The following SNX9 variants were observed in gnomAD, a reference collection of about 807,000 sequenced individuals.
SNX9 encodes sorting nexin 9.
In SNX9, 44 loss-of-function variants were observed where a neutral mutation model predicts 89.4. That is an observed-to-expected ratio of 0.49 (90% CI 0.39 to 0.63). The LOEUF (loss-of-function observed/expected upper bound fraction) is 0.63. Ranked by LOEUF, SNX9 falls within the 30% of genes least tolerant of loss-of-function variation. The pLI is 0.00. For missense variants in SNX9, 578 were observed against 736.1 expected, an observed-to-expected ratio of 0.79 and a Z score of 2.49; for synonymous variants, 236 against 247.8, an observed-to-expected ratio of 0.95 and a Z score of 0.45.
At chr6:157,849,082 G>A (rs775200054) in intron 1 of SNX9, among the ~76,000 whole-genome samples, 1 of 152,196 alleles carries the variant, frequency 6.6e-6, no homozygotes, top group Non-Finnish European at 1.5e-5. Context: ...CTGCACTTCA[G>A]CCTGGGTGAC....
intron 8 of SNX9, 57 bp downstream of exon 8, chr6:157,909,847 CT>C: frequency 1.2e-6 from 2 of 1,611,560 alleles, no homozygotes; most frequent in South Asian, 2.2e-5. Flanking sequence ...TTGCAGCTTG[CT>C]TTTTTCTTCA....
rs375385522 is a variant in SNX9, at chr6:157,872,768, G to A, written c.100-334G>A. On this transcript the variant is annotated intron_variant, in intron 2 of 17. Transcript: ENST00000392185. The stretch of plus-strand genomic sequence containing the variant: ...AGAGGGCAGATTCCAGGCCTGGGAT[G>A]CGCATCCCACCGCTTCACATTCAGA... 38 of 167,382 alleles carry A rather than the reference G, an allele frequency of 2.3e-4. No homozygotes were observed. The East Asian group carries it at 3.1e-3, about 14-fold the overall frequency. 10.4% of individuals were successfully genotyped at this position (167,382 alleles called of 1,614,324 possible). A position where few individuals can be genotyped will look rare whatever the true frequency, so the allele number is the denominator to read the frequency against.
At chr6:157,829,707 G>A (rs1432130537) in intron 1 of SNX9, among the ~76,000 whole-genome samples, 1 of 152,038 alleles carries the variant, frequency 6.6e-6, no homozygotes, top group Non-Finnish European at 1.5e-5. Flanking sequence ...TTTACCTCTG[G>A]TAATGCATTT....
At chr6:157,909,194 T>A (rs1783282577) in intron 7 of SNX9, among the ~76,000 whole-genome samples, 1 of 152,230 alleles carries the variant, frequency 6.6e-6, no homozygotes, top group African/African-American at 2.4e-5. Flanking sequence ...TTGTTCCTGA[T>A]CCACCGTGAG....
chr6:157,927,174 A>T lies in SNX9; in HGVS notation c.1144A>T (p.Thr382Ser). Residue 382 changes from threonine (T) to serine (S), a missense_variant, in exon 11 of 18, where the codon ACC (threonine) becomes TCC (serine). Coordinates refer to ENST00000392185, the MANE Select transcript of SNX9 (RefSeq NM_016224.5). ...DELAGVMIFS[T>S]MEPEAPDLDL... is the part of the protein sequence containing the mutation. ...GCTGGCGGGAGTCATGATATTTTCCACCATGGAACCAGAGGCACCTGACTT... is the reference window on the plus strand; with the variant it reads ...GCTGGCGGGAGTCATGATATTTTCCTCCATGGAACCAGAGGCACCTGACTT... 6.2e-7 allele frequency: 1 copy of T among 1,614,114 alleles called. No homozygotes were observed. The highest frequency in any genetic ancestry group is 8.5e-7 in the Non-Finnish European group (1 of 1,179,974).
rs888572002 is a variant in SNX9 at position 157,943,355 on chromosome 6, C to G, written c.*517C>G. 1 of 152,354 alleles carries G rather than the reference C, an allele frequency of 6.6e-6. No individual in the cohort carries two copies. Among genetic ancestry groups the G allele is most frequent in the Non-Finnish European group, 1.5e-5 (1 of 68,136 alleles). The allele number at this position is 152,354 out of a possible 1,614,324, so 9.4% of individuals were successfully genotyped here. On this transcript the variant is annotated 3_prime_UTR_variant, in exon 18 of 18. Coordinates refer to ENST00000392185, the MANE Select transcript of SNX9 (RefSeq NM_016224.5). ...CTCCTGTCATTGAGGGAAGTCGTTACGCCTTTCACTGCCACAGTTACAGCT... is the reference window on the plus strand; with the variant it reads ...CTCCTGTCATTGAGGGAAGTCGTTAGGCCTTTCACTGCCACAGTTACAGCT...
chr6:157,843,309 GACTCCCCCAAAACTTA>G (rs1781739453), intron 1 of SNX9, among the ~76,000 whole-genome samples: 1 of 152,136 alleles, frequency 6.6e-6, no homozygotes, highest in African/African-American at 2.4e-5. Flanking sequence ...TATAACTTTC[GACTCCCCCAAAACTTA>G]ACTACTAATA....
intron 4 of SNX9, chr6:157,885,503 A>G (rs970815895): frequency 6.6e-6 from 1 of 152,196 alleles, no homozygotes; most frequent in Non-Finnish European, 1.5e-5. Flanking sequence ...TTTTGAGGAA[A>G]AGAGTTAAAT....
intron 6 of SNX9, 93 bp downstream of exon 6, chr6:157,902,138 C>A: frequency 8.6e-7 from 1 of 1,160,312 alleles, no homozygotes; most frequent in Non-Finnish European, 1.1e-6. Context: ...CTGGCCTTTT[C>A]CCTTTCCAGT....
chr6:157,854,967 A>C (rs1338871489), intron 1 of SNX9, among the ~76,000 whole-genome samples: 2 of 151,034 alleles, frequency 1.3e-5, no homozygotes, highest in Non-Finnish European at 2.9e-5. Context: ...AAAAAAAAAA[A>C]AACCCCACAA....
At chr6:157,940,039 C>T (rs1784004353) in intron 16 of SNX9, among the ~76,000 whole-genome samples, 1 of 152,208 alleles carries the variant, frequency 6.6e-6, no homozygotes, top group African/African-American at 2.4e-5. Context: ...AGCATCCAGT[C>T]CTCCTGCCCT....
chr6:157,884,634 C>T (rs921159413), intron 4 of SNX9, among the ~76,000 whole-genome samples: 9 of 152,018 alleles, frequency 5.9e-5, no homozygotes, highest in African/African-American at 9.7e-5. Flanking sequence ...GGTAATAGGG[C>T]TTTTTAAGGA....
intron 1 of SNX9, among the ~76,000 whole-genome samples, chr6:157,839,343 TTA>T (rs1781647981): frequency 6.6e-6 from 1 of 152,216 alleles, no homozygotes; most frequent in Non-Finnish European, 1.5e-5. Flanking sequence ...AAAAGAGAAA[TTA>T]TGTCTTTTAT....
At chr6:157,930,950 TATC>T (rs1277192461) in intron 12 of SNX9, among the ~76,000 whole-genome samples, 2 of 152,254 alleles carry the variant, frequency 1.3e-5, no homozygotes, top group African/African-American at 4.8e-5. Flanking sequence ...TTTTTAAGGA[TATC>T]ATAAAAATTT....
intron 2 of SNX9, among the ~76,000 whole-genome samples, chr6:157,871,435 T>C (rs1229965154): frequency 6.6e-6 from 1 of 151,960 alleles, no homozygotes; most frequent in Non-Finnish European, 1.5e-5. Flanking sequence ...TTGTATAATA[T>C]GCTAGGTGTG....
intron 9 of SNX9, among the ~76,000 whole-genome samples, chr6:157,918,458 T>C (rs2115188916): frequency 6.6e-6 from 1 of 152,286 alleles, no homozygotes; most frequent in East Asian, 1.9e-4. Flanking sequence ...GGTATATCTT[T>C]TCCCATCCGT....
intron 2 of SNX9, chr6:157,872,800 A>C (rs1782441599): frequency 1.1e-5 from 2 of 186,756 alleles, no homozygotes; most frequent in African/African-American, 4.7e-5. Context: ...CAGAGCTGCA[A>C]GCCACTTTTA....
chr6:157,890,405 A>T (rs1227712708), intron 4 of SNX9, among the ~76,000 whole-genome samples: 3 of 152,256 alleles, frequency 2.0e-5, no homozygotes, highest in Non-Finnish European at 4.4e-5. Flanking sequence ...CCCAATGTCA[A>T]GCCTGCATAA....
intron 9 of SNX9, among the ~76,000 whole-genome samples, chr6:157,912,848 G>A (rs1183912382): frequency 2.6e-5 from 4 of 152,100 alleles, no homozygotes; most frequent in Non-Finnish European, 1.5e-5. Flanking sequence ...CCTTAGTAAG[G>A]TTCATGGAAA....
Sources: gnomAD v4.1 joint callset for allele counts (sites outside exome capture counted in the v4.1 genomes callset) on GRCh38, gnomAD v4.1.1 for gene constraint, MANE v1.5 for transcripts, NCBI Gene and HGNC (gene_info 2026-07-23, HGNC 2026-07-21) for gene names.